Variants in KDM4D observed in about 807,000 individuals in gnomAD.
KDM4D encodes the protein lysine demethylase 4D, also known as lysine-specific demethylase 4D.
For missense variants in KDM4D, 427 were observed against 674.8 expected (o/e 0.63, Z 4.07); for synonymous variants, 254 against 249.1 (o/e 1.02, Z -0.19).
intron 2 of KDM4D, among the ~76,000 whole-genome samples, chr11:94,995,345 G>A (rs1857967096): frequency 6.6e-6 from 1 of 152,158 alleles, no homozygotes; most frequent in Admixed American, 6.5e-5. Context: ...TGCTTAATAA[G>A]GGGTCTGTCT....
rs190822436 is a variant in KDM4D, at chr11:94,976,904, G to A, written c.-350+1156G>A. ...TCAATCAAAGCAGAACACCTTAAGA[G>A]CTTTAAAAGAAATACTTTTAAAAAT... On this transcript the variant is annotated intron_variant, in intron 2 of 2. Coordinates refer to ENST00000335080, the MANE Select transcript of KDM4D (RefSeq NM_018039.3). 1.2e-4 allele frequency among the ~76,000 whole-genome samples: 18 copies of A among 152,190 alleles called. No homozygotes were observed. The East Asian group carries it at 3.5e-3, about 29-fold the overall frequency.
At chr11:94,996,086 C>T (rs1235594099) in intron 2 of KDM4D, among the ~76,000 whole-genome samples, 1 of 152,202 alleles carries the variant, frequency 6.6e-6, no homozygotes, top group East Asian at 1.9e-4. Flanking sequence ...TTTCCTCTTT[C>T]TTTCCCTTAA....
Position 94,998,810 on chromosome 11 carries a change from A to G in KDM4D, c.1438A>G (p.Thr480Ala). ...PAKRPLLAGT[T>A]CTASGPEPEP... is the part of the protein sequence containing the mutation. ...CAAGAGGCCCCTCTTGGCGGGCACA[A>G]CATGCACAGCTTCGGGCCCAGAACC... The change falls in exon 3 of 3, where the codon ACA (threonine) becomes GCA (alanine). Residue 480 changes from threonine to alanine, a missense_variant. By Grantham distance (58) the Thr-to-Ala change is moderately conservative. Transcript: ENST00000335080. This position sits in a 1 kb window ranked among gnomAD's most constrained non-coding sequence, Gnocchi z 6.7. 1 of 1,602,678 alleles carries G rather than the reference A, an allele frequency of 6.2e-7. No individual in the cohort carries two copies.
At position 94,998,735 on chromosome 11, in the gene KDM4D, C is replaced by G; in HGVS notation, c.1363C>G (p.Arg455Gly). Residue 455 changes from arginine (R) to glycine (G), a missense_variant, in exon 3 of 3, where the codon CGC becomes GGC. By Grantham distance (125) the Arg-to-Gly change is moderately radical. Coordinates refer to ENST00000335080, the MANE Select transcript of KDM4D (RefSeq NM_018039.3). The surrounding 1 kb of genome is among the most constrained non-coding windows in gnomAD (Gnocchi z 6.7). The stretch of plus-strand genomic sequence containing the variant: ...GTCAAATGGCAGACGTGGTCGTGGT[C>G]GCCCTCCTCAGAAACTGAGAGCTCA... Reference protein sequence around the residue: ...HPSNGRRGRGRPPQKLRAQEL... With the variant: ...HPSNGRRGRGGPPQKLRAQEL... 1 of 1,614,014 alleles carries G rather than the reference C, an allele frequency of 6.2e-7. No individual in the cohort carries two copies. Among genetic ancestry groups the G allele is most frequent in the Non-Finnish European group, 8.5e-7 (1 of 1,179,916 alleles).
At position 94,990,827 on chromosome 11, in the gene KDM4D, T is replaced by C. The variant is rs587698265; in HGVS notation, c.-349-6197T>C. ...GTACCTCTGGGAGTGACAGTTAAAA[T>C]GAGGCTAAGGAGAATTTGTTGAAAT... On this transcript the variant is annotated intron_variant, in intron 2 of 2. Transcript: ENST00000335080. 2.0e-5 allele frequency among the ~76,000 whole-genome samples: 3 copies of C among 152,312 alleles called. No homozygotes were observed. The East Asian group carries it at 5.8e-4, about 29-fold the overall frequency.
chr11:94,976,938 C>G (rs1857802352), intron 2 of KDM4D, among the ~76,000 whole-genome samples: 1 of 152,128 alleles, frequency 6.6e-6, no homozygotes. Flanking sequence ...ATTCATTTAT[C>G]CAACAATTAA....
rs187875707 is a variant in KDM4D, at chr11:94,987,424, G to A, written c.-349-9600G>A. 4.8e-3 allele frequency among the ~76,000 whole-genome samples: 725 copies of A among 152,136 alleles called. 2 individuals carry two copies. The highest frequency in any genetic ancestry group is 7.7e-3 in the Non-Finnish European group (522 of 67,994). ...TTTTTGTTTCTCAAAACAAAAACTCGGACACCACAAATTTGGGCCCCAATA... is the reference window on the plus strand; with the variant it reads ...TTTTTGTTTCTCAAAACAAAAACTCAGACACCACAAATTTGGGCCCCAATA... On this transcript the variant is annotated intron_variant, in intron 2 of 2. Coordinates refer to ENST00000335080, the MANE Select transcript of KDM4D (RefSeq NM_018039.3).
In KDM4D at chr11:94,997,627, G is replaced by A. The variant is rs782210483; in HGVS notation, c.255G>A (p.Val85=). ...LQQVASGRAG[V]FTQYHKKKKA... is the part of the protein sequence containing the mutation. ...AGGTGGCCTCTGGGCGGGCAGGGGT[G>A]TTTACTCAATACCATAAAAAAAAGA... The change falls in exon 3 of 3, where the codon GTG becomes GTA. Residue 85 remains valine, a synonymous_variant. Transcript: ENST00000335080. 3.7e-6 allele frequency: 6 copies of A among 1,613,922 alleles called. No individual in the cohort carries two copies. Among genetic ancestry groups the A allele is most frequent in the East Asian group, 4.5e-5 (2 of 44,872 alleles).
chr11:94,985,822 A>G (rs1321626791), intron 2 of KDM4D, among the ~76,000 whole-genome samples: 1 of 152,218 alleles, frequency 6.6e-6, no homozygotes, highest in Non-Finnish European at 1.5e-5. Flanking sequence ...CAATGGAGAA[A>G]GAAAACAAAT....
chr11:94,989,610 G>A (rs972712973), intron 2 of KDM4D, among the ~76,000 whole-genome samples: 31 of 152,202 alleles, frequency 2.0e-4, no homozygotes, highest in Non-Finnish European at 4.3e-4. Context: ...CCTGATACTT[G>A]CTGCCGTGTG....
chr11:94,989,965 G>C (rs1477207898), intron 2 of KDM4D, among the ~76,000 whole-genome samples: 5 of 152,000 alleles, frequency 3.3e-5, no homozygotes, highest in Non-Finnish European at 5.9e-5. Flanking sequence ...CACCATGTTG[G>C]CCAGACTGGT....
Position 94,998,851 on chromosome 11 carries a change from G to T in KDM4D, c.1479G>T (p.Glu493Asp). ...GCCCAGAACCTGAGCCCCTACCTGA[G>T]GATGGGGCTTTGATGGACAAGCCTG... ...ASGPEPEPLP[E>D]DGALMDKPVP... The change falls in exon 3 of 3, where the codon GAG (glutamate) becomes GAT (aspartate). Residue 493 changes from glutamate (E) to aspartate (D), a missense_variant. Coordinates refer to ENST00000335080, the MANE Select transcript of KDM4D (RefSeq NM_018039.3). The surrounding 1 kb of genome is among the most constrained non-coding windows in gnomAD (Gnocchi z 6.7). 6.4e-7 allele frequency: 1 copy of T among 1,566,194 alleles called. No individual in the cohort carries two copies. Among genetic ancestry groups the T allele is most frequent in the Non-Finnish European group, 8.7e-7 (1 of 1,154,736 alleles).
At chr11:94,983,586 A>G (rs587719628) in intron 2 of KDM4D, among the ~76,000 whole-genome samples, 3 of 152,274 alleles carry the variant, frequency 2.0e-5, no homozygotes, top group African/African-American at 7.2e-5. Context: ...ACTTTTAAAA[A>G]TCACTAGAAA....
At chr11:94,996,228 A>G (rs1186963722) in intron 2 of KDM4D, among the ~76,000 whole-genome samples, 2 of 152,206 alleles carry the variant, frequency 1.3e-5, no homozygotes, top group Non-Finnish European at 2.9e-5. Flanking sequence ...TTAAATGAAC[A>G]TACAGAAATT....
rs1857983476 is a variant in KDM4D, at chr11:94,997,332, T to A, written c.-41T>A. 5 of 1,517,274 alleles carry A rather than the reference T, an allele frequency of 3.3e-6. No individual in the cohort carries two copies. Among genetic ancestry groups the A allele is most frequent in the African/African-American group, 1.4e-5 (1 of 71,916 alleles). The allele number at this position is 1,517,274 out of a possible 1,614,324, so 94.0% of individuals were successfully genotyped here. On this transcript the variant is annotated 5_prime_UTR_variant, in exon 3 of 3. Transcript: ENST00000335080. ...TAGCATTTTCCTACATTGTCAACTA[T>A]CTAGAACATACCTAAAAACTAAGAG...
chr11:94,997,792 C>T lies in KDM4D; in HGVS notation c.420C>T (p.Ile140=), dbSNP rs144024687. Residue 140 remains isoleucine, a synonymous_variant, in exon 3 of 3, where the codon ATC becomes ATT. Coordinates refer to ENST00000335080, the MANE Select transcript of KDM4D (RefSeq NM_018039.3). ...IYNSPIYGAD[I]SGSLFDENTK... ...ATTCACCGATTTATGGTGCTGACATCAGTGGCTCCTTGTTTGATGAAAACA... is the reference window on the plus strand; with the variant it reads ...ATTCACCGATTTATGGTGCTGACATTAGTGGCTCCTTGTTTGATGAAAACA... 2.6e-5 allele frequency: 42 copies of T among 1,614,238 alleles called. No individual in the cohort carries two copies. The African/African-American group carries it at 4.7e-4, about 18-fold the overall frequency.
At chr11:94,978,852 C>T (rs1460477203) in intron 2 of KDM4D, among the ~76,000 whole-genome samples, 2 of 152,024 alleles carry the variant, frequency 1.3e-5, no homozygotes, top group Admixed American at 6.5e-5. Flanking sequence ...TATTATATTA[C>T]GAAGAAAAAT....
At chr11:94,995,566 A>G (rs1857968968) in intron 2 of KDM4D, among the ~76,000 whole-genome samples, 1 of 152,134 alleles carries the variant, frequency 6.6e-6, no homozygotes, top group Non-Finnish European at 1.5e-5. Flanking sequence ...GGGAGGGGAG[A>G]AACAGTTTGA....
At chr11:94,978,483 A>G (rs1857817097) in intron 2 of KDM4D, among the ~76,000 whole-genome samples, 1 of 152,178 alleles carries the variant, frequency 6.6e-6, no homozygotes, top group Admixed American at 6.5e-5. Context: ...TACCAACAAA[A>G]TCTTGATTTT....
Sources: allele counts gnomAD v4.1 joint callset (sites outside exome capture counted in the v4.1 genomes callset), GRCh38; gene constraint gnomAD v4.1.1; non-coding constraint Gnocchi (gnomAD v3.1); transcripts MANE v1.5; gene names NCBI Gene and HGNC (gene_info 2026-07-23, HGNC 2026-07-21).